BCL2L13: variants seen among roughly 807,000 people sequenced by gnomAD.
BCL2L13 encodes BCL2 like 13.
In BCL2L13, 13 loss-of-function variants were observed where a neutral mutation model predicts 25.8. That is an observed-to-expected ratio of 0.50 (90% CI 0.33 to 0.80). The LOEUF is 0.80. Among genes scored for constraint, BCL2L13 ranks in the 30% least tolerant of loss-of-function variants. BCL2L13 has a pLI of 0.02. For synonymous variants in BCL2L13, 244 were observed against 230.3 expected (o/e 1.06, Z -0.54); for missense variants, 504 against 574.9 (o/e 0.88, Z 1.26).
chr22:17,686,056 G>C (rs886808977), intron 3 of BCL2L13, among the ~76,000 whole-genome samples: 4 of 151,824 alleles, frequency 2.6e-5, no homozygotes, highest in African/African-American at 9.7e-5. Context: ...ACAGGCGTGA[G>C]CCACCGTACC....
rs1431331458 is a variant in BCL2L13, at chr22:17,631,664, GTGTGTGTATATATATA to G, written c.-650+2661_-650+2676del. 4.3e-3 allele frequency among the ~76,000 whole-genome samples: 115 copies of G among 26,886 alleles called. 6 individuals carry two copies. Among genetic ancestry groups the G allele is most frequent in the African/African-American group, 0.014 (106 of 7,444 alleles). 17.6% of individuals were successfully genotyped at this position (26,886 alleles called of 152,430 possible). On this transcript the variant is annotated intron_variant, in intron 1 of 6. Transcript: ENST00000399782. ...ATGGTACGTGTGTGTATGTATGTGT[GTGTGTGTATATATATA>G]TATATATATATATATATATATATAT... is the stretch of plus-strand genomic sequence containing the variant.
intron 6 of BCL2L13, among the ~76,000 whole-genome samples, chr22:17,710,148 C>T (rs2060709136): frequency 6.7e-6 from 1 of 148,292 alleles, no homozygotes; most frequent in East Asian, 2.0e-4. Context: ...GGAGTAAAAG[C>T]TTAGTAATCT....
intron 1 of BCL2L13, among the ~76,000 whole-genome samples, chr22:17,640,228 G>A (rs73163140): frequency 0.13 from 19,059 of 152,080 alleles, 1,613 homozygotes; most frequent in Non-Finnish European, 0.19. Flanking sequence ...TCTCCCCCAA[G>A]TGAAGTATTC....
chr22:17,646,958 T>A (rs1467104470), intron 1 of BCL2L13, among the ~76,000 whole-genome samples: 133 of 51,412 alleles, frequency 2.6e-3, no homozygotes, highest in African/African-American at 6.7e-3. Context: ...TATATATATT[T>A]TTTTTTTTTT....
chr22:17,642,597 A>ATTT (rs58376155), intron 1 of BCL2L13, among the ~76,000 whole-genome samples: 8 of 143,674 alleles, frequency 5.6e-5, no homozygotes, highest in African/African-American at 2.0e-4. Flanking sequence ...GTTGATGGGC[A>ATTT]TTTTTTTTTT....
At chr22:17,654,368 G>T (rs539497236) in intron 1 of BCL2L13, among the ~76,000 whole-genome samples, 1 of 151,868 alleles carries the variant, frequency 6.6e-6, no homozygotes, top group Non-Finnish European at 1.5e-5. Flanking sequence ...CTCCCAAAGT[G>T]CTGGGATTAT....
intron 2 of BCL2L13, among the ~76,000 whole-genome samples, chr22:17,677,878 CAAAA>C (rs544156151): frequency 3.4e-5 from 5 of 148,086 alleles, no homozygotes; most frequent in South Asian, 2.1e-4. Context: ...AAAAAAAAAA[CAAAA>C]AAACCCCACA....
At chr22:17,665,996 G>A (rs2059219361) in intron 2 of BCL2L13, among the ~76,000 whole-genome samples, 2 of 152,062 alleles carry the variant, frequency 1.3e-5, no homozygotes, top group South Asian at 4.1e-4. Context: ...CACAGCTGCT[G>A]GGTCGTATGG....
intron 2 of BCL2L13, among the ~76,000 whole-genome samples, chr22:17,669,975 C>T (rs996905235): frequency 1.2e-4 from 19 of 152,164 alleles, no homozygotes; most frequent in Admixed American, 6.6e-4. Context: ...TGGACTAATA[C>T]ACATGGGGAT....
chr22:17,695,482 T>A (rs2060237604), intron 4 of BCL2L13, among the ~76,000 whole-genome samples: 1 of 152,048 alleles, frequency 6.6e-6, no homozygotes, highest in African/African-American at 2.4e-5. Flanking sequence ...CCATCATGCC[T>A]GGCTAATTTT....
chr22:17,676,466 TAAA>T (rs1167622817), intron 2 of BCL2L13, among the ~76,000 whole-genome samples: 3 of 152,016 alleles, frequency 2.0e-5, no homozygotes, highest in Non-Finnish European at 2.9e-5. Flanking sequence ...CTGTCTCAAT[TAAA>T]AAAATAATCA....
At chr22:17,644,180 G>A (rs1452218851) in intron 1 of BCL2L13, among the ~76,000 whole-genome samples, 1 of 151,396 alleles carries the variant, frequency 6.6e-6, no homozygotes, top group East Asian at 1.9e-4. Context: ...AAAGTGCTAG[G>A]ATTACAGGCA....
intron 1 of BCL2L13, among the ~76,000 whole-genome samples, chr22:17,643,937 C>G (rs776281793): frequency 2.4e-4 from 35 of 148,754 alleles, no homozygotes; most frequent in Non-Finnish European, 4.1e-4. Context: ...GAGACAGAAT[C>G]TCACTCTGTT....
chr22:17,703,933 A>G (rs765654369), intron 6 of BCL2L13, among the ~76,000 whole-genome samples: 5 of 152,202 alleles, frequency 3.3e-5, no homozygotes, highest in South Asian at 2.1e-4. Context: ...TGCAGGGAAT[A>G]TTATGCACTC....
At chr22:17,688,854 G>C in intron 3 of BCL2L13, 132 bp from the exon 4 acceptor site, 1 of 690,758 alleles carries the variant, frequency 1.4e-6, no homozygotes, top group Non-Finnish European at 2.1e-6. Flanking sequence ...CACAACCTCT[G>C]CCTCCTGGGT....
chr22:17,700,610 TTC>T (rs2060404313), intron 5 of BCL2L13, among the ~76,000 whole-genome samples: 1 of 152,234 alleles, frequency 6.6e-6, no homozygotes, highest in African/African-American at 2.4e-5. Flanking sequence ...CCTTACCTGC[TTC>T]TACCCGAGGC....
Position 17,638,865 on chromosome 22 carries a change from C to T in BCL2L13, c.-72C>T, listed in dbSNP as rs2058162234. ...GCCGCCGCCGCCTCTTTCATCTCTT[C>T]TGGGGCAGGGGCCAGGGCCAGGTGA... is the stretch of plus-strand genomic sequence containing the variant. On this transcript the variant is annotated 5_prime_UTR_variant, in exon 1 of 7. Transcript: ENST00000317582. The T allele has an allele frequency of 1.6e-6, 2 of 1,232,706 alleles. No homozygotes were observed. Among genetic ancestry groups the T allele is most frequent in the Non-Finnish European group, 2.0e-6 (2 of 988,808 alleles). 76.4% of individuals were successfully genotyped at this position (1,232,706 alleles called of 1,614,324 possible).
intron 1 of BCL2L13, among the ~76,000 whole-genome samples, chr22:17,642,192 T>C (rs572222726): frequency 1.4e-5 from 2 of 144,918 alleles, no homozygotes; most frequent in South Asian, 4.4e-4. Flanking sequence ...TGCAGTGGCA[T>C]GATCCCACTG....
chr22:17,719,875 A>T (rs1376703914), intron 6 of BCL2L13, among the ~76,000 whole-genome samples: 1 of 151,392 alleles, frequency 6.6e-6, no homozygotes, highest in Admixed American at 6.6e-5. Flanking sequence ...TACATGCTAC[A>T]ACATGGGTGG....
Sources: allele counts gnomAD v4.1 joint callset (sites outside exome capture counted in the v4.1 genomes callset), GRCh38; gene constraint gnomAD v4.1.1; transcripts MANE v1.5; gene names NCBI Gene and HGNC (gene_info 2026-07-23, HGNC 2026-07-21).